Variants in PDGFD observed in about 807,000 individuals in gnomAD.
PDGFD encodes platelet derived growth factor D.
A neutral mutation model predicts 44.7 loss-of-function variants in PDGFD; 30 were observed. The ratio of observed to expected loss-of-function variants is 0.67; its 90% CI spans 0.50 to 0.91. The LOEUF (loss-of-function observed/expected upper bound fraction) is 0.91. Among genes scored for constraint, PDGFD ranks in the 40% least tolerant of loss-of-function variants. The pLI is 0.00. For synonymous variants in PDGFD, 173 were observed against 168.4 expected, an observed-to-expected ratio of 1.03 and a Z score of -0.21; for missense variants, 445 against 457.8, an observed-to-expected ratio of 0.97 and a Z score of 0.25.
rs1029340863 is a variant in PDGFD at position 104,078,973 on chromosome 11, A to G, written c.125-78718T>C. Among the ~76,000 whole-genome samples the G allele has an allele frequency of 2.6e-5, 4 of 152,224 alleles. No homozygotes were observed. The East Asian group carries it at 7.7e-4, about 29-fold the overall frequency. On this transcript the variant is annotated intron_variant, in intron 1 of 6. Transcript: ENST00000393158. ...AGCAATTGGGTAGGTTAACAAATGTAGTTTTCCTTGTGATGCATCTTAAGG... is the reference window on the plus strand; with the variant it reads ...AGCAATTGGGTAGGTTAACAAATGTGGTTTTCCTTGTGATGCATCTTAAGG...
chr11:104,037,008 C>T, intron 1 of PDGFD: 4 of 1,614,238 alleles, frequency 2.5e-6, no homozygotes, highest in Non-Finnish European at 3.4e-6. Flanking sequence ...GTTCCCTGGG[C>T]TCCTACGGCC....
At chr11:103,937,049 C>T (rs890111024) in intron 5 of PDGFD, among the ~76,000 whole-genome samples, 1 of 152,088 alleles carries the variant, frequency 6.6e-6, no homozygotes, top group Non-Finnish European at 1.5e-5. Context: ...TGGTCTCTCA[C>T]TCCTGGGCTC....
At chr11:104,050,179 G>T (rs1382624850) in intron 1 of PDGFD, among the ~76,000 whole-genome samples, 1 of 152,118 alleles carries the variant, frequency 6.6e-6, no homozygotes, top group African/African-American at 2.4e-5. Flanking sequence ...GGAGGAACTG[G>T]GCTCTCGGCA....
chr11:103,938,104 T>C (rs1858521515), intron 5 of PDGFD, among the ~76,000 whole-genome samples: 1 of 151,900 alleles, frequency 6.6e-6, no homozygotes, highest in Admixed American at 6.6e-5. Context: ...GTATTTCTAG[T>C]TCTAGATCCC....
In PDGFD at chr11:103,909,393, C is replaced by CAAA. The variant is rs60621493; in HGVS notation, c.*298_*300dup. ...CTCTGGTGTACCTGGTTATATATAC[C>CAAA]AAAAAAAACATTTGATCTATATACA... On this transcript the variant is annotated 3_prime_UTR_variant, in exon 7 of 7. Transcript: ENST00000393158. 0.3 allele frequency: 63,641 copies of CAAA among 210,324 alleles called. 9,352 individuals carry two copies. Among genetic ancestry groups the CAAA allele is most frequent in the East Asian group, 0.36 (3,520 of 9,848 alleles). The allele number at this position is 210,324 out of a possible 1,614,324, so 13.0% of individuals were successfully genotyped here. A position where few individuals can be genotyped will look rare whatever the true frequency, so the allele number is the denominator to read the frequency against.
intron 5 of PDGFD, among the ~76,000 whole-genome samples, chr11:103,930,049 C>T (rs1231007598): frequency 6.6e-6 from 1 of 152,174 alleles, no homozygotes; most frequent in East Asian, 1.9e-4. Context: ...CTTATTTCAT[C>T]CCAGTCTACA....
chr11:103,941,724 T>G (rs1858587156), intron 5 of PDGFD, among the ~76,000 whole-genome samples: 1 of 151,972 alleles, frequency 6.6e-6, no homozygotes, highest in Non-Finnish European at 1.5e-5. Flanking sequence ...AAAAAAGTAA[T>G]GGATTTAGGT....
At chr11:104,000,406 T>A in intron 1 of PDGFD, 151 bp from the exon 2 acceptor site, 1 of 663,352 alleles carries the variant, frequency 1.5e-6, no homozygotes, top group Non-Finnish European at 2.6e-6. Flanking sequence ...ACAAACTTTT[T>A]TTCTCACACT....
In PDGFD at chr11:104,149,243, C is replaced by A. The variant is rs368700251; in HGVS notation, c.124+14561G>T. 1.8e-4 allele frequency among the ~76,000 whole-genome samples: 27 copies of A among 152,190 alleles called. 1 individual carries two copies. In the South Asian group the frequency reaches 5.0e-3, roughly 28 times the overall value. ...ATCTATAGGTTATTGGAAATTGCAA[C>A]TTTAAGTGAAAGGATGTATAGAGAA... On this transcript the variant is annotated intron_variant, in intron 1 of 6. Transcript: ENST00000393158.
intron 1 of PDGFD, among the ~76,000 whole-genome samples, chr11:104,134,096 T>C (rs1343865228): frequency 4.0e-5 from 6 of 151,746 alleles, no homozygotes; most frequent in East Asian, 1.9e-4. Context: ...ATATAAACTA[T>C]ATTTTTGAAA....
chr11:104,030,507 A>T (rs987419925), intron 1 of PDGFD, among the ~76,000 whole-genome samples: 3 of 152,186 alleles, frequency 2.0e-5, no homozygotes, highest in Non-Finnish European at 2.9e-5. Context: ...TGAAATAAAG[A>T]CTACCTCTTC....
intron 1 of PDGFD, among the ~76,000 whole-genome samples, chr11:104,023,492 A>G (rs1003572485): frequency 2.0e-5 from 3 of 151,712 alleles, no homozygotes; most frequent in East Asian, 1.9e-4. Flanking sequence ...AGTAGAAGAG[A>G]AAAAAAAAGA....
At chr11:103,969,879 A>T (rs958720548) in intron 3 of PDGFD, among the ~76,000 whole-genome samples, 1 of 152,102 alleles carries the variant, frequency 6.6e-6, no homozygotes, top group Non-Finnish European at 1.5e-5. Flanking sequence ...GAGAAAACAA[A>T]AGGTCATCTT....
At chr11:104,009,373 T>C (rs1859749074) in intron 1 of PDGFD, among the ~76,000 whole-genome samples, 1 of 152,016 alleles carries the variant, frequency 6.6e-6, no homozygotes, top group South Asian at 2.1e-4. Flanking sequence ...AACCATTTAA[T>C]TTAGAGTGGC....
intron 3 of PDGFD, among the ~76,000 whole-genome samples, chr11:103,991,616 T>C (rs949053184): frequency 2.6e-5 from 4 of 152,202 alleles, no homozygotes; most frequent in Middle Eastern, 3.2e-3. Flanking sequence ...TGACTTGACT[T>C]TTTATTTTTG....
chr11:104,149,223 T>C (rs1862208744), intron 1 of PDGFD, among the ~76,000 whole-genome samples: 1 of 152,180 alleles, frequency 6.6e-6, no homozygotes. Flanking sequence ...ATGTCATCTA[T>C]AGGTTATTGG....
At chr11:104,149,652 C>T (rs10791671) in intron 1 of PDGFD, among the ~76,000 whole-genome samples, 67,876 of 151,918 alleles carry the variant, frequency 0.45, 15,234 homozygotes, top group East Asian at 0.61. Context: ...GATTATTTTA[C>T]ACTTGATGAA....
At chr11:104,127,816 T>C (rs1214470854) in intron 1 of PDGFD, among the ~76,000 whole-genome samples, 2 of 152,144 alleles carry the variant, frequency 1.3e-5, no homozygotes, top group Admixed American at 6.5e-5. Context: ...CCAGGGCATC[T>C]CTGAGAACAT....
At chr11:104,074,367 A>G (rs1270410968) in intron 1 of PDGFD, among the ~76,000 whole-genome samples, 2 of 152,218 alleles carry the variant, frequency 1.3e-5, no homozygotes, top group African/African-American at 4.8e-5. Context: ...GCAATGGGCA[A>G]GTGATACAAG....
Sources: allele counts gnomAD v4.1 joint callset (sites outside exome capture counted in the v4.1 genomes callset), GRCh38; gene constraint gnomAD v4.1.1; transcripts MANE v1.5; gene names NCBI Gene and HGNC (gene_info 2026-07-23, HGNC 2026-07-21).